PTPRB: variants seen among roughly 807,000 people sequenced by gnomAD.
PTPRB encodes the protein receptor-type tyrosine-protein phosphatase beta.
Under a neutral mutation model 238.1 loss-of-function variants are expected in PTPRB, and 97 were observed. The ratio of observed to expected loss-of-function variants is 0.41; its 90% confidence interval spans 0.35 to 0.48. PTPRB has a LOEUF of 0.48. Ranked by LOEUF, PTPRB falls within the 20% of genes least tolerant of loss-of-function variation. The probability of loss-of-function intolerance (pLI) is 0.30; values close to 1 mark genes in which losing one functional copy is unlikely to be tolerated. For synonymous variants in PTPRB, 970 were observed against 995.4 expected, an observed-to-expected ratio of 0.97 and a Z score of 0.48; for missense variants, 2,292 against 2,681.9, an observed-to-expected ratio of 0.85 and a Z score of 3.21.
chr12:70,552,654 C>G, intron 21 of PTPRB, 123 bp downstream of exon 21: 1 of 1,276,044 alleles, frequency 7.8e-7, no homozygotes, highest in Non-Finnish European at 1.1e-6. Flanking sequence ...CAGTAAAATG[C>G]ACAGTACTCT....
chr12:70,587,223 T>C lies in PTPRB; in HGVS notation c.2095A>G (p.Thr699Ala). ...LQLRVKHANE[T>A]SLSIMWQTPV... ...GTCTGCCACATGATACTCAGTGAGG[T>C]TTCATTGGCATGTTTGACACGAAGC... Residue 699 changes from threonine to alanine, a missense_variant, in exon 9 of 34, where the codon ACC becomes GCC. Around this residue, in one of 4 missense-constraint regions of PTPRB, gnomAD observed 1,205 missense variants for 1,287.8 expected, o/e 0.94. Transcript: ENST00000334414. 1 of 1,613,838 alleles carries C rather than the reference T, an allele frequency of 6.2e-7. No homozygotes were observed. Among genetic ancestry groups the C allele is most frequent in the Non-Finnish European group, 8.5e-7 (1 of 1,179,798 alleles).
intron 3 of PTPRB, among the ~76,000 whole-genome samples, chr12:70,613,384 G>A (rs953922658): frequency 1.3e-5 from 2 of 152,002 alleles, no homozygotes; most frequent in Non-Finnish European, 2.9e-5. Context: ...GCCAGGCTCT[G>A]GTATAGGTTT....
chr12:70,530,990 T>C (rs1873146072), intron 32 of PTPRB, among the ~76,000 whole-genome samples: 1 of 152,258 alleles, frequency 6.6e-6, no homozygotes, highest in Non-Finnish European at 1.5e-5. Context: ...GTGGCAGAGG[T>C]TCCTGCCTGC....
chr12:70,568,806 A>T (rs1434231296), intron 14 of PTPRB, among the ~76,000 whole-genome samples: 1 of 152,174 alleles, frequency 6.6e-6, no homozygotes, highest in Non-Finnish European at 1.5e-5. Context: ...ACAGACCTAG[A>T]CTTGAATTAT....
At chr12:70,627,807 C>T (rs997899731) in intron 2 of PTPRB, among the ~76,000 whole-genome samples, 5 of 152,100 alleles carry the variant, frequency 3.3e-5, no homozygotes, top group African/African-American at 9.7e-5. Context: ...CTAAAATGAC[C>T]GTGACAGCCA....
rs1269758720 is a variant in PTPRB, at chr12:70,538,969, A to G, written c.5824T>C (p.Leu1942=). The G allele has an allele frequency of 6.2e-7, 1 of 1,613,914 alleles. No homozygotes were observed. The highest frequency in any genetic ancestry group is 1.3e-5 in the African/African-American group (1 of 75,070). ...GRNQSCDIAL[L]PENRGKNRYN... is the part of the protein sequence containing the mutation. ...CGATTTTTCCCTCTATTCTCCGGCA[A>G]GAGTGCAATGTCACATGACTGGTTT... The change falls in exon 27 of 34, where the codon TTG becomes CTG. Residue 1942 remains leucine (L), a synonymous_variant. Transcript: ENST00000334414.
intron 28 of PTPRB, 155 bp downstream of exon 28, chr12:70,538,000 A>G: frequency 1.8e-6 from 1 of 554,172 alleles, no homozygotes; most frequent in Admixed American, 3.7e-5. Flanking sequence ...ACTGAATTGG[A>G]TACCCCATTT....
At chr12:70,612,040 C>T (rs1002037037) in intron 3 of PTPRB, among the ~76,000 whole-genome samples, 2 of 152,150 alleles carry the variant, frequency 1.3e-5, no homozygotes, top group Non-Finnish European at 2.9e-5. Context: ...ATTTAGATAA[C>T]AATGTACTTT....
intron 13 of PTPRB, 130 bp from the exon 14 acceptor site, chr12:70,570,068 T>C: frequency 1.1e-6 from 1 of 880,438 alleles, no homozygotes; most frequent in Non-Finnish European, 1.7e-6. Context: ...AAAGTAACAA[T>C]TTGCCACTTT....
At chr12:70,632,083 T>C (rs1161932117) in intron 2 of PTPRB, among the ~76,000 whole-genome samples, 1 of 152,176 alleles carries the variant, frequency 6.6e-6, no homozygotes, top group East Asian at 1.9e-4. Context: ...ACTGGGTATA[T>C]ACTCAAAGGA....
At chr12:70,528,365 G>T (rs1872698740) in intron 32 of PTPRB, among the ~76,000 whole-genome samples, 1 of 151,998 alleles carries the variant, frequency 6.6e-6, no homozygotes, top group African/African-American at 2.4e-5. Flanking sequence ...TTTTTTGCAG[G>T]GAGCTGGCAG....
In PTPRB at chr12:70,539,924, A is replaced by C. The variant is rs1874786861; in HGVS notation, c.5678+15T>G. 1.1e-5 allele frequency: 17 copies of C among 1,598,232 alleles called. No homozygotes were observed. The African/African-American group carries it at 1.6e-4, about 15-fold the overall frequency. ...ATCTTTCAACAAATTATACGAAGGC[A>C]AATGTGGTGCTTACCCTTTCTGGCC... On this transcript the variant is annotated intron_variant, in intron 24 of 33. Coordinates refer to ENST00000334414, the MANE Select transcript of PTPRB (RefSeq NM_001109754.4).
chr12:70,601,363 T>C (rs1883473948), intron 4 of PTPRB, among the ~76,000 whole-genome samples: 1 of 152,164 alleles, frequency 6.6e-6, no homozygotes, highest in Non-Finnish European at 1.5e-5. Context: ...ATCTGCCCCA[T>C]CTGTCATCTT....
At position 70,594,626 on chromosome 12, in the gene PTPRB, T is replaced by A. The variant is rs1882822223; in HGVS notation, c.1357A>T (p.Met453Leu). Residue 453 changes from methionine (M) to leucine (L), a missense_variant, in exon 6 of 34, where the codon ATG (methionine) becomes TTG (leucine). Transcript: ENST00000334414. ...GSGNVERYRLMLMDKGILVHG... is the reference protein window; with the variant it reads ...GSGNVERYRLLLMDKGILVHG... ...ACTAGGATCCCTTTATCCATTAGCA[T>A]CAGCCGGTATCGTTCCACATTCCCA... 2 of 1,613,872 alleles carry A rather than the reference T, an allele frequency of 1.2e-6. No homozygotes were observed. The highest frequency in any genetic ancestry group is 1.3e-5 in the African/African-American group (1 of 74,916).
At chr12:70,625,780 T>G (rs1885147225) in intron 2 of PTPRB, among the ~76,000 whole-genome samples, 1 of 152,182 alleles carries the variant, frequency 6.6e-6, no homozygotes. Flanking sequence ...CTTTATTGTG[T>G]CATTGTTACT....
chr12:70,609,655 A>G, intron 3 of PTPRB: 1 of 1,237,334 alleles, frequency 8.1e-7, no homozygotes, highest in Non-Finnish European at 1.1e-6. Context: ...AAATTTTGCC[A>G]CCTCCCTCTT....
intron 15 of PTPRB, among the ~76,000 whole-genome samples, chr12:70,564,511 T>G (rs1012708853): frequency 1.7e-5 from 2 of 115,304 alleles, no homozygotes; most frequent in African/African-American, 7.1e-5. Context: ...AGAGGGAGAC[T>G]CCATCTCAAA....
At chr12:70,578,692 A>G (rs1405495547) in intron 10 of PTPRB, among the ~76,000 whole-genome samples, 1 of 152,216 alleles carries the variant, frequency 6.6e-6, no homozygotes, top group Non-Finnish European at 1.5e-5. Flanking sequence ...CTTAAAGTAC[A>G]CAGTTATTTC....
rs1293496010 is a variant in PTPRB at position 70,517,358 on chromosome 12, A to G, written c.*4131T>C. ...TTTATCTTCATGATGATGTCTGGTT[A>G]GATTCTGTTTTGCAAATATTTTCTC... On this transcript the variant is annotated 3_prime_UTR_variant, in exon 34 of 34. Coordinates refer to ENST00000334414, the MANE Select transcript of PTPRB (RefSeq NM_001109754.4). The G allele has an allele frequency of 2.0e-5, 3 of 152,218 alleles. No homozygotes were observed. Among genetic ancestry groups the G allele is most frequent in the Non-Finnish European group, 4.4e-5 (3 of 68,030 alleles). The allele number at this position is 152,218 out of a possible 1,614,324, so 9.4% of individuals were successfully genotyped here. A position where few individuals can be genotyped will look rare whatever the true frequency, so the allele number is the denominator to read the frequency against.
Sources: gnomAD v4.1 joint callset for allele counts (sites outside exome capture counted in the v4.1 genomes callset) on GRCh38, gnomAD v4.1.1 for gene constraint, gnomAD v4.1.1 regional missense constraint, MANE v1.5 for transcripts, NCBI Gene and HGNC (gene_info 2026-07-23, HGNC 2026-07-21) for gene names.